MYO10: variants seen among roughly 807,000 people sequenced by gnomAD.
The protein encoded by MYO10 is unconventional myosin-X.
MYO10 carries 133 observed loss-of-function variants against 257.3 expected under a neutral mutation model. That is an observed-to-expected ratio of 0.52 (90% CI 0.45 to 0.60). The LOEUF (loss-of-function observed/expected upper bound fraction) is 0.60. Among genes scored for constraint, MYO10 ranks in the 20% least tolerant of loss-of-function variants. MYO10 has a pLI of 0.00. For synonymous variants in MYO10, 1,104 were observed against 1,028.6 expected, an observed-to-expected ratio of 1.07 and a Z score of -1.40; for missense variants, 2,399 against 2,635.7, an observed-to-expected ratio of 0.91 and a Z score of 1.97.
intron 1 of MYO10, among the ~76,000 whole-genome samples, chr5:16,882,910 T>C (rs1744795080): frequency 6.6e-6 from 1 of 150,912 alleles, no homozygotes; most frequent in Admixed American, 6.6e-5. Flanking sequence ...TATCAAATCA[T>C]TTTTATTTAT....
chr5:16,809,658 C>G (rs780047195), intron 3 of MYO10, among the ~76,000 whole-genome samples: 1 of 152,198 alleles, frequency 6.6e-6, no homozygotes, highest in Non-Finnish European at 1.5e-5. Context: ...TGGAATGCCA[C>G]CTAACCAAAG....
Position 16,669,338 on chromosome 5 carries a change from C to T in MYO10, c.5884-870G>A, listed in dbSNP as rs567237279. ...AAGCGATTCTCCTGTCTCAGCCTCTCGAGTAGCTGGGATTACAGGTGCATG... is the reference window on the plus strand; with the variant it reads ...AAGCGATTCTCCTGTCTCAGCCTCTTGAGTAGCTGGGATTACAGGTGCATG... On this transcript the variant is annotated intron_variant, in intron 39 of 40. Coordinates refer to ENST00000513610, the MANE Select transcript of MYO10 (RefSeq NM_012334.3). Among the ~76,000 whole-genome samples, 14 of 152,130 alleles carry T rather than the reference C, an allele frequency of 9.2e-5. No homozygotes were observed. In the South Asian group the frequency reaches 2.5e-3, roughly 27 times the overall value.
intron 1 of MYO10, among the ~76,000 whole-genome samples, chr5:16,883,511 G>A (rs1273500396): frequency 2.0e-5 from 3 of 152,150 alleles, no homozygotes; most frequent in Admixed American, 2.0e-4. Context: ...GTGTCATTGT[G>A]GACAATTATC....
At chr5:16,779,771 TAATAAA>T in intron 8 of MYO10, 123 bp from the exon 9 acceptor site, 1 of 546,082 alleles carries the variant, frequency 1.8e-6, no homozygotes, top group Non-Finnish European at 3.2e-6. Flanking sequence ...CCCATAAAGA[TAATAAA>T]GTTCCCTCTT....
chr5:16,731,600 T>C (rs1204665629), intron 19 of MYO10, among the ~76,000 whole-genome samples: 2 of 148,676 alleles, frequency 1.3e-5, no homozygotes, highest in East Asian at 2.0e-4. Flanking sequence ...TCGCCCACCT[T>C]GGCCTCCCAA....
chr5:16,776,514 T>C (rs1331222362), intron 9 of MYO10, among the ~76,000 whole-genome samples: 2 of 152,226 alleles, frequency 1.3e-5, no homozygotes, highest in Non-Finnish European at 2.9e-5. Flanking sequence ...AAGTAGAATG[T>C]ATTAACTAGA....
chr5:16,676,116 G>A lies in MYO10; in HGVS notation c.4581C>T (p.Tyr1527=), dbSNP rs776219830. ...TGTATCGAAGGATCGGGTTCCGCTTGTAAATCTGTTCCACCACATCCGAGT... is the reference window on the plus strand; with the variant it reads ...TGTATCGAAGGATCGGGTTCCGCTTATAAATCTGTTCCACCACATCCGAGT... ...CLNSDVVEQI[Y]KRNPILRYTH... Residue 1527 remains tyrosine (Y), a synonymous_variant, in exon 34 of 41, where the codon TAC becomes TAT. Coordinates refer to ENST00000513610, the MANE Select transcript of MYO10 (RefSeq NM_012334.3). The A allele has an allele frequency of 9.9e-6, 16 of 1,613,368 alleles. No homozygotes were observed. In the South Asian group the frequency reaches 1.2e-4, roughly 12 times the overall value.
At chr5:16,847,281 G>C (rs544168859) in intron 2 of MYO10, among the ~76,000 whole-genome samples, 5 of 151,946 alleles carry the variant, frequency 3.3e-5, no homozygotes, top group Non-Finnish European at 7.4e-5. Flanking sequence ...AAAATTAGCT[G>C]GGCATGGTGG....
rs1737638553 is a variant in MYO10 at position 16,694,384 on chromosome 5, C to T, written c.3787G>A (p.Val1263Met). ...TTAGCAACCTACTTTGCCGTTCGCA[C>T]TTCTACGGTGCCCTTGAGCTTCTCC... ...SEEKLKGTVE[V>M]RTAKEIIDNT... is the part of the protein sequence containing the mutation. The change falls in exon 27 of 41, where the codon GTG becomes ATG. Residue 1263 changes from valine to methionine, a missense_variant. This residue lies in a region of MYO10 where 1,820 missense variants were observed against 1,939.4 expected (regional missense o/e 0.94). Transcript: ENST00000513610. The T allele has an allele frequency of 1.2e-6, 2 of 1,614,066 alleles. No individual in the cohort carries two copies. Among genetic ancestry groups the T allele is most frequent in the Middle Eastern group, 1.6e-4 (1 of 6,062 alleles).
At chr5:16,763,857 G>A (rs1406786622) in intron 12 of MYO10, 102 bp from the exon 13 acceptor site, 2 of 789,672 alleles carry the variant, frequency 2.5e-6, no homozygotes, top group Non-Finnish European at 4.1e-6. Flanking sequence ...AAATATCAAT[G>A]CCTGTTGTCT....
Position 16,777,713 on chromosome 5 carries a change from G to C in MYO10, c.930+1832C>G, listed in dbSNP as rs1741260696. 2.0e-5 allele frequency among the ~76,000 whole-genome samples: 3 copies of C among 152,176 alleles called. 1 individual carries two copies. The highest frequency in any genetic ancestry group is 6.8e-3 in the Middle Eastern group (2 of 294). On this transcript the variant is annotated intron_variant, in intron 9 of 40. Transcript: ENST00000513610. Reference sequence around the variant, plus strand: ...ACAACCATACTTCCTACCATCAGAGGGTTGATGAGAGTGATTGGAAAGTAA... The same window carrying C: ...ACAACCATACTTCCTACCATCAGAGCGTTGATGAGAGTGATTGGAAAGTAA...
At chr5:16,793,417 G>A (rs1020269365) in intron 4 of MYO10, among the ~76,000 whole-genome samples, 7 of 151,974 alleles carry the variant, frequency 4.6e-5, no homozygotes, top group African/African-American at 1.7e-4. Context: ...CTCCACCTCC[G>A]GGTTAAAGTG....
intron 26 of MYO10, among the ~76,000 whole-genome samples, chr5:16,698,785 G>A: frequency 6.7e-6 from 1 of 150,092 alleles, no homozygotes; most frequent in Non-Finnish European, 1.5e-5. Context: ...CACCGCTCCC[G>A]GCTAATTTTT....
Position 16,927,833 on chromosome 5 carries a change from T to C in MYO10, c.21+7955A>G, listed in dbSNP as rs116877901. Reference sequence around the variant, plus strand: ...CTGTAACTGGCAGCATTAGATGACATGATGTCATGTGACATGAGGTGCTAG... The same window carrying C: ...CTGTAACTGGCAGCATTAGATGACACGATGTCATGTGACATGAGGTGCTAG... On this transcript the variant is annotated intron_variant, in intron 1 of 40. Transcript: ENST00000513610. Among the ~76,000 whole-genome samples, 74 of 152,312 alleles carry C rather than the reference T, an allele frequency of 4.9e-4. 1 individual carries two copies. The East Asian group carries it at 0.014, about 28-fold the overall frequency.
At chr5:16,915,865 G>A (rs1308261948) in intron 1 of MYO10, among the ~76,000 whole-genome samples, 3 of 151,840 alleles carry the variant, frequency 2.0e-5, no homozygotes, top group African/African-American at 4.8e-5. Context: ...GCTGAGGCAC[G>A]AGAATTGCTT....
Position 16,935,783 on chromosome 5 carries a change from C to T in MYO10, c.21+5G>A. The T allele has an allele frequency of 6.2e-7, 1 of 1,613,496 alleles. No individual in the cohort carries two copies. Among genetic ancestry groups the T allele is most frequent in the South Asian group, 1.1e-5 (1 of 91,052 alleles). ...GAGGCCAGGTCGGACTGGGAGCGCA[C>T]TTACCTCGGTGAAGAAGTTATCCAT... is the stretch of plus-strand genomic sequence containing the variant. On this transcript the variant is annotated splice_donor_5th_base_variant and intron_variant, in intron 1 of 40. Transcript: ENST00000513610.
At position 16,762,080 on chromosome 5, in the gene MYO10, C is replaced by G. The variant is rs545112248; in HGVS notation, c.1621G>C (p.Val541Leu). Reference sequence around the variant, plus strand: ...TAGTGCTTCACTCCAAAATTGTTAACTGCAACTCTGGGCTTCACATAAAAG... The same window carrying G: ...TAGTGCTTCACTCCAAAATTGTTAAGTGCAACTCTGGGCTTCACATAAAAG... ...NHFYVKPRVA[V>L]NNFGVKHYAG... The change falls in exon 16 of 41, where the codon GTT becomes CTT. Residue 541 changes from valine to leucine, a missense_variant. Physicochemically the swap from Val to Leu is conservative, Grantham distance 32. This residue lies in a region of MYO10 where 337 missense variants were observed against 446.8 expected (regional missense o/e 0.75). Coordinates refer to ENST00000513610, the MANE Select transcript of MYO10 (RefSeq NM_012334.3). 8.1e-7 allele frequency: 1 copy of G among 1,231,610 alleles called. No individual in the cohort carries two copies. The highest frequency in any genetic ancestry group is 3.3e-5 in the East Asian group (1 of 30,400). The allele number at this position is 1,231,610 out of a possible 1,614,324, so 76.3% of individuals were successfully genotyped here.
chr5:16,704,170 T>G (rs532717759), intron 22 of MYO10, among the ~76,000 whole-genome samples: 4 of 151,754 alleles, frequency 2.6e-5, no homozygotes, highest in Non-Finnish European at 5.9e-5. Flanking sequence ...AAAAATTTTT[T>G]TTTAATTAGC....
chr5:16,821,498 G>A (rs1376791895), intron 2 of MYO10, among the ~76,000 whole-genome samples: 4 of 118,066 alleles, frequency 3.4e-5, no homozygotes, highest in Non-Finnish European at 6.5e-5. Flanking sequence ...ACGGAGTCTC[G>A]CTCTGTCACC....
Sources: gnomAD v4.1 joint callset for allele counts (sites outside exome capture counted in the v4.1 genomes callset) on GRCh38, gnomAD v4.1.1 for gene constraint, gnomAD v4.1.1 regional missense constraint, MANE v1.5 for transcripts, NCBI Gene and HGNC (gene_info 2026-07-23, HGNC 2026-07-21) for gene names.